The following KCNMA1 variants were observed in gnomAD, a reference collection of about 807,000 sequenced individuals.
KCNMA1 encodes the protein potassium calcium-activated channel subfamily M alpha 1, also known as Calcium-activated potassium channel subunit alpha-1.
Under a neutral mutation model 140.0 loss-of-function variants are expected in KCNMA1, and 29 were observed. The observed-to-expected ratio is 0.21, with a 90% CI of 0.15 to 0.28. KCNMA1 has a LOEUF of 0.28. Ranked by LOEUF, KCNMA1 falls within the 10% of genes least tolerant of loss-of-function variation. The pLI, the probability that KCNMA1 is intolerant of heterozygous loss-of-function variation, is 1.00. For missense variants in KCNMA1, 880 were observed against 1,602.2 expected (o/e 0.55, Z 7.70); for synonymous variants, 612 against 611.9 (o/e 1.00, Z 0.00).
intron 19 of KCNMA1, among the ~76,000 whole-genome samples, chr10:76,997,810 G>A (rs1036129453): frequency 4.6e-5 from 7 of 152,138 alleles, no homozygotes; most frequent in African/African-American, 1.7e-4. Flanking sequence ...GATGTCTTTT[G>A]AGAGAGCTGG....
chr10:76,929,588 C>A lies in KCNMA1; in HGVS notation c.2903-14539G>T, dbSNP rs560687252. Among the ~76,000 whole-genome samples the A allele has an allele frequency of 1.0e-3, 155 of 152,230 alleles. 1 individual carries two copies. The highest frequency in any genetic ancestry group is 6.9e-3 in the South Asian group (33 of 4,814). On this transcript the variant is annotated intron_variant, in intron 23 of 27. Transcript: ENST00000286628. ...AGATAAATTTCTATGGAAATGTAAG[C>A]TTTAGTAAATCAGCTGCCTGATACA...
At chr10:77,078,403 T>C (rs1290103199) in intron 13 of KCNMA1, among the ~76,000 whole-genome samples, 1 of 152,234 alleles carries the variant, frequency 6.6e-6, no homozygotes. Context: ...AATGAGACAC[T>C]GGACTCTGGT....
intron 2 of KCNMA1, among the ~76,000 whole-genome samples, chr10:77,387,355 G>A (rs2095639222): frequency 6.6e-6 from 1 of 152,250 alleles, no homozygotes; most frequent in African/African-American, 2.4e-5. Context: ...ACAGGGTCAG[G>A]AGACATGTCT....
chr10:77,113,817 T>C (rs866131520), intron 6 of KCNMA1, among the ~76,000 whole-genome samples: 2 of 152,228 alleles, frequency 1.3e-5, no homozygotes, highest in Non-Finnish European at 2.9e-5. Context: ...TACAACATGA[T>C]ATTACCTACC....
intron 1 of KCNMA1, among the ~76,000 whole-genome samples, chr10:77,512,249 G>C (rs1413691194): frequency 2.0e-5 from 3 of 152,160 alleles, no homozygotes; most frequent in Admixed American, 1.3e-4. Flanking sequence ...GGTCCCACCA[G>C]CCTGACTCCT....
chr10:77,442,710 C>T (rs1387741030), intron 1 of KCNMA1, among the ~76,000 whole-genome samples: 3 of 152,068 alleles, frequency 2.0e-5, no homozygotes, highest in Non-Finnish European at 4.4e-5. Flanking sequence ...TCTCTGAGTC[C>T]AACTCCCATC....
intron 1 of KCNMA1, among the ~76,000 whole-genome samples, chr10:77,439,939 T>A (rs2097360322): frequency 6.6e-6 from 1 of 152,160 alleles, no homozygotes; most frequent in Admixed American, 6.5e-5. Flanking sequence ...TGTTCGAGCA[T>A]AAACAGCAGC....
intron 2 of KCNMA1, among the ~76,000 whole-genome samples, chr10:77,266,742 A>T (rs1312853403): frequency 6.6e-6 from 1 of 152,186 alleles, no homozygotes; most frequent in Admixed American, 6.5e-5. Flanking sequence ...CTTACTCTTT[A>T]TTGTAGTCAT....
At chr10:77,356,180 T>C (rs1199963611) in intron 2 of KCNMA1, among the ~76,000 whole-genome samples, 3 of 152,206 alleles carry the variant, frequency 2.0e-5, no homozygotes, top group Non-Finnish European at 4.4e-5. Context: ...AGCACATAGA[T>C]GCTGGATTCT....
intron 14 of KCNMA1, chr10:77,064,058 A>G: frequency 3.0e-6 from 3 of 985,318 alleles, no homozygotes; most frequent in Non-Finnish European, 3.6e-6. Flanking sequence ...GACTCTGTGT[A>G]TATGTTATGT....
intron 1 of KCNMA1, among the ~76,000 whole-genome samples, chr10:77,610,834 C>A (rs995656747): frequency 1.3e-5 from 2 of 152,202 alleles, no homozygotes; most frequent in African/African-American, 4.8e-5. Flanking sequence ...AGCTAAAAAA[C>A]TACCGAACTG....
At chr10:77,556,028 G>C (rs1200054991) in intron 1 of KCNMA1, among the ~76,000 whole-genome samples, 4 of 152,186 alleles carry the variant, frequency 2.6e-5, no homozygotes, top group Non-Finnish European at 4.4e-5. Context: ...GATGGCATAA[G>C]AATCGACACA....
intron 5 of KCNMA1, among the ~76,000 whole-genome samples, chr10:77,179,161 G>C (rs970925584): frequency 6.6e-6 from 1 of 152,196 alleles, no homozygotes; most frequent in Non-Finnish European, 1.5e-5. Context: ...TGAGGTGGGT[G>C]CTGTAATTAG....
intron 1 of KCNMA1, among the ~76,000 whole-genome samples, chr10:77,524,256 G>A (rs1321147646): frequency 3.3e-5 from 5 of 152,166 alleles, no homozygotes; most frequent in Admixed American, 6.6e-5. Flanking sequence ...TAAAGAAAGC[G>A]AGGTCTCCAC....
At chr10:77,271,575 A>T (rs2065154368) in intron 2 of KCNMA1, among the ~76,000 whole-genome samples, 1 of 152,234 alleles carries the variant, frequency 6.6e-6, no homozygotes, top group African/African-American at 2.4e-5. Context: ...AGGATTGAGT[A>T]AGTTAATATG....
chr10:77,008,144 G>T, intron 18 of KCNMA1: 1 of 1,524,880 alleles, frequency 6.6e-7, no homozygotes, highest in South Asian at 1.2e-5. Context: ...GAAAGACAGG[G>T]GGAACTGGAC....
intron 14 of KCNMA1, among the ~76,000 whole-genome samples, chr10:77,048,590 T>C (rs2095220328): frequency 6.6e-6 from 1 of 152,206 alleles, no homozygotes; most frequent in African/African-American, 2.4e-5. Flanking sequence ...CTGTGCGTGG[T>C]ACATAGTCAT....
intron 10 of KCNMA1, among the ~76,000 whole-genome samples, chr10:77,088,080 C>A (rs2096733584): frequency 2.0e-5 from 3 of 152,168 alleles, no homozygotes; most frequent in African/African-American, 7.2e-5. Context: ...TGTGCCTCAG[C>A]CTTCAGAGTA....
chr10:77,019,136 T>G (rs1381785763), intron 16 of KCNMA1, 37 bp from the exon 17 acceptor site: 1 of 1,113,256 alleles, frequency 9.0e-7, no homozygotes, highest in South Asian at 1.2e-5. Context: ...GAAGATACAT[T>G]TGTGAGGTCA....
Sources: allele counts gnomAD v4.1 joint callset (sites outside exome capture counted in the v4.1 genomes callset), GRCh38; gene constraint gnomAD v4.1.1; transcripts MANE v1.5; gene names NCBI Gene and HGNC (gene_info 2026-07-23, HGNC 2026-07-21).